Variants in ACOT7 observed in about 807,000 individuals in gnomAD.
ACOT7 encodes the protein acyl-CoA thioesterase 7.
ACOT7 carries 12 observed loss-of-function variants against 40.2 expected under a neutral mutation model. The observed-to-expected ratio is 0.30, with a 90% CI of 0.19 to 0.48. The LOEUF (loss-of-function observed/expected upper bound fraction) is 0.48. ACOT7 is among the 20% of genes least tolerant of loss of function. The pLI, the probability that ACOT7 is intolerant of heterozygous loss-of-function variation, is 0.99. For synonymous variants in ACOT7, 228 were observed against 219.5 expected (o/e 1.04, Z -0.34); for missense variants, 395 against 530.8 (o/e 0.74, Z 2.51).
At chr1:6,284,348 G>A (rs1386550323) in intron 7 of ACOT7, among the ~76,000 whole-genome samples, 3 of 151,988 alleles carry the variant, frequency 2.0e-5, no homozygotes, top group Admixed American at 6.5e-5. Context: ...AGGCCGAGGC[G>A]GGCTCATCAC....
At chr1:6,300,792 G>A (rs1639951392) in intron 6 of ACOT7, among the ~76,000 whole-genome samples, 1 of 151,898 alleles carries the variant, frequency 6.6e-6, no homozygotes, top group South Asian at 2.1e-4. Context: ...AATCTCACCG[G>A]ACAGCACCCT....
intron 2 of ACOT7, among the ~76,000 whole-genome samples, chr1:6,344,222 G>A (rs1641355341): frequency 1.3e-5 from 2 of 152,182 alleles, no homozygotes; most frequent in South Asian, 2.1e-4. Context: ...GCCAGGATGT[G>A]AGGGGCAGGT....
intron 1 of ACOT7, among the ~76,000 whole-genome samples, chr1:6,382,492 A>C (rs1383294719): frequency 6.6e-6 from 1 of 151,918 alleles, no homozygotes; most frequent in Admixed American, 6.5e-5. Context: ...GTAGTGGGTG[A>C]CAGAGCAAGA....
chr1:6,346,422 T>C (rs1641422495), intron 2 of ACOT7, among the ~76,000 whole-genome samples: 1 of 152,148 alleles, frequency 6.6e-6, no homozygotes, highest in African/African-American at 2.4e-5. Flanking sequence ...CAGGGCCCTG[T>C]GGATATCTGG....
chr1:6,279,245 C>A (rs1373444580), intron 8 of ACOT7, among the ~76,000 whole-genome samples: 2 of 152,088 alleles, frequency 1.3e-5, no homozygotes, highest in Non-Finnish European at 2.9e-5. Context: ...GGAACGACTG[C>A]GGACCAGCCC....
At chr1:6,318,635 T>A in intron 5 of ACOT7, 57 bp from the exon 6 acceptor site, 1 of 1,573,414 alleles carries the variant, frequency 6.4e-7, no homozygotes, top group Non-Finnish European at 8.7e-7. Context: ...CACAGCTGAA[T>A]GGTCTGGCAA....
chr1:6,267,717 C>T (rs1330047371), intron 8 of ACOT7, among the ~76,000 whole-genome samples: 2 of 152,254 alleles, frequency 1.3e-5, no homozygotes, highest in Admixed American at 6.5e-5. Context: ...CTCTGCCCCG[C>T]CTCTGGGATG....
intron 1 of ACOT7, among the ~76,000 whole-genome samples, chr1:6,368,917 T>C (rs6683017): frequency 0.13 from 20,079 of 152,190 alleles, 2,147 homozygotes; most frequent in African/African-American, 0.29. Flanking sequence ...TGGCCCACCA[T>C]TGCCATTACT....
At chr1:6,327,236 C>T in intron 5 of ACOT7, 63 bp downstream of exon 5, 5 of 1,540,304 alleles carry the variant, frequency 3.2e-6, no homozygotes, top group Non-Finnish European at 4.5e-6. Context: ...GCCCGGCCTG[C>T]TCCTGCCTCC....
chr1:6,290,305 A>C (rs770701806), intron 7 of ACOT7, among the ~76,000 whole-genome samples: 8 of 152,240 alleles, frequency 5.3e-5, no homozygotes, highest in Non-Finnish European at 7.3e-5. Context: ...GAAATGTTAC[A>C]GCAGCCCCAG....
chr1:6,265,485 C>G (rs763199959), intron 8 of ACOT7, among the ~76,000 whole-genome samples: 2 of 152,184 alleles, frequency 1.3e-5, no homozygotes, highest in Non-Finnish European at 2.9e-5. Flanking sequence ...CCCCAGGGAC[C>G]CCATCTCATT....
intron 6 of ACOT7, among the ~76,000 whole-genome samples, chr1:6,312,136 G>C (rs1640349173): frequency 6.6e-6 from 1 of 152,186 alleles, no homozygotes; most frequent in Non-Finnish European, 1.5e-5. Context: ...TCCCTCGGTA[G>C]AGCTGGTGGC....
chr1:6,307,433 A>AGGTCACAG (rs1557642975), intron 6 of ACOT7, among the ~76,000 whole-genome samples: 1 of 152,252 alleles, frequency 6.6e-6, no homozygotes, highest in Admixed American at 6.5e-5. Flanking sequence ...AGACAGACAG[A>AGGTCACAG]GGTCACAGGA....
Position 6,393,370 on chromosome 1 carries a change from C to T in ACOT7, c.30G>A (p.Ala10=). The change falls in exon 1 of 9, where the codon GCG becomes GCA. Residue 10 remains alanine (A), a synonymous_variant. Transcript: ENST00000361521. The part of the protein sequence containing the change: MARPGLIHS[A]PGLPDTCALL... The stretch of plus-strand genomic sequence containing the variant: ...GGGCGCAGGTGTCTGGCAGGCCCGG[C>T]GCGGAATGAATGAGCCCGGGCCGCG... The T allele has an allele frequency of 8.1e-7, 1 of 1,236,200 alleles. No homozygotes were observed. The highest frequency in any genetic ancestry group is 1.0e-6 in the Non-Finnish European group (1 of 987,842). The allele number at this position is 1,236,200 out of a possible 1,614,324, so 76.6% of individuals were successfully genotyped here. A position where few individuals can be genotyped will look rare whatever the true frequency, so the allele number is the denominator to read the frequency against.
At chr1:6,389,386 T>C (rs1033560762) in intron 1 of ACOT7, among the ~76,000 whole-genome samples, 2 of 152,084 alleles carry the variant, frequency 1.3e-5, no homozygotes. Flanking sequence ...ATCAGCATGG[T>C]TATTCCAGAG....
intron 8 of ACOT7, among the ~76,000 whole-genome samples, chr1:6,271,302 A>T (rs572601168): frequency 6.6e-6 from 1 of 152,340 alleles, no homozygotes; most frequent in East Asian, 1.9e-4. Context: ...TGAATGGCGT[A>T]AAAAGGGTTT....
In ACOT7 at chr1:6,355,019, G is replaced by A. The variant is rs1641703617; in HGVS notation, c.144-5153C>T. ...TCAATCTCCTAGTAAGGCATCTGGA[G>A]CTCTCAGGGATTGGGAACTTTTCCG... On this transcript the variant is annotated intron_variant, in intron 1 of 8. Transcript: ENST00000361521. The surrounding 1 kb of genome is among the most constrained non-coding windows in gnomAD (Gnocchi z 5.0). Among the ~76,000 whole-genome samples, 1 of 152,036 alleles carries A rather than the reference G, an allele frequency of 6.6e-6. No homozygotes were observed. The highest frequency in any genetic ancestry group is 1.5e-5 in the Non-Finnish European group (1 of 67,998).
In ACOT7 at chr1:6,359,209, C is replaced by A. The variant is rs192157793; in HGVS notation, c.144-9343G>T. ...CTGCCTTCTCTGACAGGGCACAAGA[C>A]CCCCTAGTCTTTCTCCAGGGTCTCA... On this transcript the variant is annotated intron_variant, in intron 1 of 8. Coordinates refer to ENST00000361521, the MANE Select transcript of ACOT7 (RefSeq NM_007274.4). The surrounding 1 kb of genome is among the most constrained non-coding windows in gnomAD (Gnocchi z 4.1). 4.9e-6 allele frequency: 1 copy of A among 203,218 alleles called. No homozygotes were observed. Among genetic ancestry groups the A allele is most frequent in the Non-Finnish European group, 1.0e-5 (1 of 99,316 alleles). 12.6% of individuals were successfully genotyped at this position (203,218 alleles called of 1,614,324 possible). A position where few individuals can be genotyped will look rare whatever the true frequency, so the allele number is the denominator to read the frequency against.
chr1:6,307,185 C>G (rs1047583208), intron 6 of ACOT7, among the ~76,000 whole-genome samples: 1 of 152,242 alleles, frequency 6.6e-6, no homozygotes, highest in Non-Finnish European at 1.5e-5. Context: ...CGGCGGGGCT[C>G]GGCACACAGG....
Sources: gnomAD v4.1 joint callset for allele counts (sites outside exome capture counted in the v4.1 genomes callset) on GRCh38, gnomAD v4.1.1 for gene constraint, Gnocchi (gnomAD v3.1) non-coding constraint, MANE v1.5 for transcripts, NCBI Gene and HGNC (gene_info 2026-07-23, HGNC 2026-07-21) for gene names.